HS6ST3: variants seen among roughly 807,000 people sequenced by gnomAD.
HS6ST3 encodes heparan sulfate 6-O-sulfotransferase 3.
Under a neutral mutation model 36.7 loss-of-function variants are expected in HS6ST3, and 12 were observed. The observed-to-expected ratio is 0.33, with a 90% CI of 0.21 to 0.53. The LOEUF (loss-of-function observed/expected upper bound fraction) is 0.53, where lower values mean the gene tolerates loss of function less well. Among genes scored for constraint, HS6ST3 ranks in the 20% least tolerant of loss-of-function variants. The probability of loss-of-function intolerance (pLI) is 0.95; values close to 1 mark genes in which losing one functional copy is unlikely to be tolerated. For synonymous variants in HS6ST3, 240 were observed against 257.5 expected, an observed-to-expected ratio of 0.93 and a Z score of 0.65; for missense variants, 584 against 640.9, an observed-to-expected ratio of 0.91 and a Z score of 0.96.
intron 1 of HS6ST3, among the ~76,000 whole-genome samples, chr13:96,805,470 C>T (rs1396096825): frequency 6.6e-6 from 1 of 152,136 alleles, no homozygotes; most frequent in Non-Finnish European, 1.5e-5. Flanking sequence ...ATTACCCAGT[C>T]TCAGGTAGTT....
intron 1 of HS6ST3, among the ~76,000 whole-genome samples, chr13:96,095,098 A>G (rs1431290784): frequency 1.3e-5 from 2 of 152,242 alleles, no homozygotes; most frequent in African/African-American, 4.8e-5. Context: ...AAAAGGTGAA[A>G]TGATATACCT....
chr13:96,713,949 G>T (rs1017965651), intron 1 of HS6ST3, among the ~76,000 whole-genome samples: 18 of 152,052 alleles, frequency 1.2e-4, no homozygotes, highest in African/African-American at 4.3e-4. Context: ...AGGAAAAATT[G>T]GCTGTTCAAT....
intron 1 of HS6ST3, among the ~76,000 whole-genome samples, chr13:96,783,026 A>G (rs576161286): frequency 2.4e-4 from 37 of 152,344 alleles, no homozygotes; most frequent in African/African-American, 8.7e-4. Context: ...TAAGTTGAGT[A>G]AATTATTTTG....
At position 96,837,548 on chromosome 13, in the gene HS6ST3, G is replaced by A. The variant is rs895704767; in HGVS notation, c.*4350G>A. On this transcript the variant is annotated 3_prime_UTR_variant, in exon 2 of 2. Transcript: ENST00000376705. ...ATTGGGAACTGCAAGAATATGAAAT[G>A]TAAATCTTTATTGATTTATATCCTT... 4 of 152,216 alleles carry A rather than the reference G, an allele frequency of 2.6e-5. No individual in the cohort carries two copies. Among genetic ancestry groups the A allele is most frequent in the African/African-American group, 7.2e-5 (3 of 41,448 alleles). The allele number at this position is 152,216 out of a possible 1,614,324, so 9.4% of individuals were successfully genotyped here. A position where few individuals can be genotyped will look rare whatever the true frequency, so the allele number is the denominator to read the frequency against.
intron 1 of HS6ST3, among the ~76,000 whole-genome samples, chr13:96,643,974 CT>C (rs2056579511): frequency 6.6e-6 from 1 of 151,782 alleles, no homozygotes. Flanking sequence ...GGGTTAATGG[CT>C]AGAGTTATAA....
chr13:96,410,469 A>T (rs2055501953), intron 1 of HS6ST3, among the ~76,000 whole-genome samples: 1 of 152,194 alleles, frequency 6.6e-6, no homozygotes, highest in Admixed American at 6.5e-5. Flanking sequence ...ACTGATATGA[A>T]TTAAAAAAAA....
chr13:96,354,605 A>G (rs866668157), intron 1 of HS6ST3, among the ~76,000 whole-genome samples: 1 of 152,190 alleles, frequency 6.6e-6, no homozygotes, highest in African/African-American at 2.4e-5. Context: ...GAAGAATTAC[A>G]TAATGTTACT....
At chr13:96,535,981 G>A (rs2138938359) in intron 1 of HS6ST3, among the ~76,000 whole-genome samples, 1 of 152,304 alleles carries the variant, frequency 6.6e-6, no homozygotes, top group African/African-American at 2.4e-5. Context: ...TGTGCACATG[G>A]AGTTATATTT....
intron 1 of HS6ST3, among the ~76,000 whole-genome samples, chr13:96,805,353 G>A (rs1260297015): frequency 6.6e-6 from 1 of 152,126 alleles, no homozygotes; most frequent in Non-Finnish European, 1.5e-5. Context: ...CTTCCACCGT[G>A]TAAGATGTAC....
Position 96,551,333 on chromosome 13 carries a change from T to G in HS6ST3, c.708-281157T>G, listed in dbSNP as rs2056218741. Among the ~76,000 whole-genome samples, 3 of 152,282 alleles carry G rather than the reference T, an allele frequency of 2.0e-5. No individual in the cohort carries two copies. In the South Asian group the frequency reaches 6.2e-4, roughly 32 times the overall value. The stretch of plus-strand genomic sequence containing the variant: ...TCTATAGTTAATGAACAGGCAGAGT[T>G]TTTTTCTTCTTTCTGAGCATTGAGA... On this transcript the variant is annotated intron_variant, in intron 1 of 1. Transcript: ENST00000376705.
chr13:96,650,833 C>G (rs905108308), intron 1 of HS6ST3, among the ~76,000 whole-genome samples: 3 of 152,048 alleles, frequency 2.0e-5, no homozygotes, highest in African/African-American at 7.2e-5. Flanking sequence ...CTATATAATA[C>G]AAGTAGATAG....
intron 1 of HS6ST3, among the ~76,000 whole-genome samples, chr13:96,767,103 C>T (rs907260218): frequency 4.6e-5 from 7 of 152,258 alleles, no homozygotes; most frequent in South Asian, 2.1e-4. Flanking sequence ...GTGACTACAT[C>T]GTGCCTGGAA....
chr13:96,329,236 T>TG (rs893283812), intron 1 of HS6ST3, among the ~76,000 whole-genome samples: 2 of 147,394 alleles, frequency 1.4e-5, no homozygotes, highest in African/African-American at 5.1e-5. Flanking sequence ...TTTGAATGTG[T>TG]TTGCTCTTGC....
At chr13:96,614,297 CAAAAAAAA>C (rs67979751) in intron 1 of HS6ST3, among the ~76,000 whole-genome samples, 4 of 43,946 alleles carry the variant, frequency 9.1e-5, no homozygotes, top group Admixed American at 4.3e-4. Flanking sequence ...GGATCCATCT[CAAAAAAAA>C]AAAAAAAAAA....
At chr13:96,225,573 T>G (rs1427981969) in intron 1 of HS6ST3, among the ~76,000 whole-genome samples, 1 of 152,208 alleles carries the variant, frequency 6.6e-6, no homozygotes, top group Admixed American at 6.5e-5. Flanking sequence ...AGGGAAGCAA[T>G]AGATCTAAGT....
chr13:96,817,004 G>A (rs1026153874), intron 1 of HS6ST3, among the ~76,000 whole-genome samples: 1 of 152,078 alleles, frequency 6.6e-6, no homozygotes, highest in African/African-American at 2.4e-5. Context: ...AAATTAAAAC[G>A]CCCTCTTGAA....
intron 1 of HS6ST3, among the ~76,000 whole-genome samples, chr13:96,510,406 G>C (rs1424266961): frequency 6.6e-6 from 1 of 152,102 alleles, no homozygotes; most frequent in Non-Finnish European, 1.5e-5. Flanking sequence ...TTCCAGAACT[G>C]TGTTGAATAG....
At chr13:96,688,524 A>C (rs1874851383) in intron 1 of HS6ST3, among the ~76,000 whole-genome samples, 1 of 151,932 alleles carries the variant, frequency 6.6e-6, no homozygotes, top group Non-Finnish European at 1.5e-5. Context: ...AGGTCTTATG[A>C]AGGATAGTGC....
intron 1 of HS6ST3, among the ~76,000 whole-genome samples, chr13:96,223,719 G>A (rs990663533): frequency 6.6e-6 from 1 of 152,016 alleles, no homozygotes; most frequent in Non-Finnish European, 1.5e-5. Flanking sequence ...CTAACTTGGG[G>A]GATGGTAGAA....
Sources: gnomAD v4.1 joint callset for allele counts (sites outside exome capture counted in the v4.1 genomes callset) on GRCh38, gnomAD v4.1.1 for gene constraint, MANE v1.5 for transcripts, NCBI Gene and HGNC (gene_info 2026-07-23, HGNC 2026-07-21) for gene names.